The following INSC variants were observed in gnomAD, a reference collection of about 807,000 sequenced individuals.
INSC encodes the protein INSC spindle orientation adaptor protein.
INSC carries 67 observed loss-of-function variants against 58.6 expected under a neutral mutation model. The ratio of observed to expected loss-of-function variants is 1.14; its 90% CI spans 0.94 to 1.40. The LOEUF is 1.40. Ranked by LOEUF, INSC falls within the 40% of genes most tolerant of loss-of-function variation. The probability of loss-of-function intolerance (pLI) is 0.00; values close to 1 mark genes in which losing one functional copy is unlikely to be tolerated. For synonymous variants in INSC, 262 were observed against 276.1 expected (o/e 0.95, Z 0.51); for missense variants, 714 against 692.0 (o/e 1.03, Z -0.36).
chr11:15,264,327 G>A, the INSC span, among the ~76,000 whole-genome samples: 2 of 149,450 alleles, frequency 1.3e-5, no homozygotes, highest in South Asian at 2.1e-4. Context: ...CGGCTGCTGC[G>A]TATCTCTGAC....
intron 4 of INSC, among the ~76,000 whole-genome samples, chr11:15,177,764 G>A (rs1414338873): frequency 6.6e-6 from 1 of 152,126 alleles, no homozygotes; most frequent in Non-Finnish European, 1.5e-5. Flanking sequence ...TAAAACCTGA[G>A]CTCCCTGAGG....
intron 5 of INSC, among the ~76,000 whole-genome samples, chr11:15,189,839 C>G (rs1277709786): frequency 1.3e-5 from 2 of 152,198 alleles, no homozygotes; most frequent in African/African-American, 4.8e-5. Context: ...CCTTTACACT[C>G]AATGAATCAC....
At chr11:15,123,940 G>GA (rs780205485) in intron 1 of INSC, among the ~76,000 whole-genome samples, 53 of 152,302 alleles carry the variant, frequency 3.5e-4, no homozygotes, top group Non-Finnish European at 5.7e-4. Flanking sequence ...GGAGAATACA[G>GA]AAAGTGGGTC....
At chr11:15,237,104 G>A (rs1258706205) in intron 10 of INSC, among the ~76,000 whole-genome samples, 1 of 152,190 alleles carries the variant, frequency 6.6e-6, no homozygotes, top group Non-Finnish European at 1.5e-5. Context: ...GACTGAATCA[G>A]TAAACAGTTA....
chr11:15,134,533 G>A (rs550380911), intron 1 of INSC, among the ~76,000 whole-genome samples: 14 of 152,288 alleles, frequency 9.2e-5, no homozygotes, highest in African/African-American at 3.4e-4. Context: ...GACTCTGGCT[G>A]TATTGTGCAC....
downstream of INSC, among the ~76,000 whole-genome samples, chr11:15,251,930 C>T (rs1852654802): frequency 6.6e-6 from 1 of 152,082 alleles, no homozygotes; most frequent in South Asian, 2.1e-4. Flanking sequence ...AACTTATACA[C>T]TAAGGTTCAT....
chr11:15,114,392 G>A (rs1847641296), upstream of INSC, among the ~76,000 whole-genome samples: 1 of 152,212 alleles, frequency 6.6e-6, no homozygotes, highest in Admixed American at 6.5e-5. Flanking sequence ...GGAAGCACCT[G>A]CGGTGAATAA....
At chr11:15,180,871 T>C (rs1849755164) in intron 5 of INSC, among the ~76,000 whole-genome samples, 1 of 152,236 alleles carries the variant, frequency 6.6e-6, no homozygotes, top group East Asian at 1.9e-4. Context: ...GGCTGATCTT[T>C]GGCTTCTTTT....
chr11:15,189,206 G>A (rs1850076482), intron 5 of INSC, among the ~76,000 whole-genome samples: 1 of 152,160 alleles, frequency 6.6e-6, no homozygotes, highest in South Asian at 2.1e-4. Flanking sequence ...AAACCAAAGT[G>A]TGGGGAGCTT....
chr11:15,178,340 A>G lies in INSC; in HGVS notation c.472A>G (p.Asn158Asp). ...AVTERCLQVE[N>D]EHVLKSMKAC... ...TCTCTTCAGGTGCCTTCAGGTTGAG[A>G]ATGAGCATGTCCTGAAGTCAATGAA... is the stretch of plus-strand genomic sequence containing the variant. The change falls in exon 5 of 13, where the codon AAT becomes GAT. Residue 158 changes from asparagine to aspartate, a missense_variant. Physicochemically the swap from Asn to Asp is conservative, Grantham distance 23 (BLOSUM62 1). Transcript: ENST00000379556. 1 of 1,613,936 alleles carries G rather than the reference A, an allele frequency of 6.2e-7. No homozygotes were observed.
chr11:15,187,058 G>A (rs1034947430), intron 5 of INSC, among the ~76,000 whole-genome samples: 2 of 152,076 alleles, frequency 1.3e-5, no homozygotes, highest in Non-Finnish European at 2.9e-5. Context: ...GCCATGGAGG[G>A]GATGGCTGGA....
intron 2 of INSC, among the ~76,000 whole-genome samples, chr11:15,165,005 G>T (rs1029598147): frequency 2.0e-5 from 3 of 152,072 alleles, no homozygotes; most frequent in African/African-American, 7.2e-5. Flanking sequence ...AATTACCCAG[G>T]CTCAGATATG....
intron 1 of INSC, among the ~76,000 whole-genome samples, chr11:15,127,076 A>T (rs1252330131): frequency 2.0e-5 from 3 of 152,136 alleles, no homozygotes; most frequent in Non-Finnish European, 4.4e-5. Context: ...TGGCAAGGGG[A>T]TATCTTGTGC....
At chr11:15,178,708 G>A (rs1849660154) in intron 5 of INSC, among the ~76,000 whole-genome samples, 1 of 152,136 alleles carries the variant, frequency 6.6e-6, no homozygotes, top group African/African-American at 2.4e-5. Flanking sequence ...ACTTATCCAA[G>A]GTCACACAGC....
intron 2 of INSC, among the ~76,000 whole-genome samples, chr11:15,158,642 G>A (rs115334212): frequency 0.012 from 1,817 of 152,170 alleles, 42 homozygotes; most frequent in African/African-American, 0.042. Context: ...CTAGAGGCCT[G>A]GGTTTGAGTA....
chr11:15,198,763 T>C (rs1466568281), intron 6 of INSC, among the ~76,000 whole-genome samples: 1 of 152,100 alleles, frequency 6.6e-6, no homozygotes, highest in African/African-American at 2.4e-5. Context: ...TCTTTTCTTC[T>C]CATTCTAAAG....
At chr11:15,203,798 G>A (rs558471068) in intron 7 of INSC, among the ~76,000 whole-genome samples, 1 of 151,020 alleles carries the variant, frequency 6.6e-6, no homozygotes, top group East Asian at 2.0e-4. Flanking sequence ...TGTCTGCCTT[G>A]TATGGCCCAT....
At position 15,177,095 on chromosome 11, in the gene INSC, A is replaced by T; in HGVS notation, c.403-16A>T. 6.2e-7 allele frequency: 1 copy of T among 1,611,344 alleles called. No homozygotes were observed. On this transcript the variant is annotated splice_polypyrimidine_tract_variant and intron_variant, in intron 3 of 12. Coordinates refer to ENST00000379556, the MANE Select transcript of INSC (RefSeq NM_001042536.3). ...ATGCTTACTGAGTTGAATAAAATGG[A>T]CTTATTTTTCTACAGATTGAGAAGC... is the stretch of plus-strand genomic sequence containing the variant.
intron 6 of INSC, among the ~76,000 whole-genome samples, chr11:15,195,020 G>A (rs1850318167): frequency 6.6e-6 from 1 of 152,182 alleles, no homozygotes; most frequent in Non-Finnish European, 1.5e-5. Context: ...GTGGGTTGAG[G>A]ACCTCTACTC....
Sources: gnomAD v4.1 joint callset for allele counts (sites outside exome capture counted in the v4.1 genomes callset) on GRCh38, gnomAD v4.1.1 for gene constraint, MANE v1.5 for transcripts, NCBI Gene and HGNC (gene_info 2026-07-23, HGNC 2026-07-21) for gene names.